Variants in MYOF observed in about 807,000 individuals in gnomAD.
MYOF encodes fer-1-like 3, myoferlin.
Under a neutral mutation model 284.2 loss-of-function variants are expected in MYOF, and 244 were observed. The ratio of observed to expected loss-of-function variants is 0.86; its 90% CI spans 0.77 to 0.95. MYOF has a LOEUF of 0.95. Ranked by LOEUF, MYOF falls within the 40% of genes least tolerant of loss-of-function variation. MYOF has a pLI of 0.00. For missense variants in MYOF, 2,496 were observed against 2,560.6 expected (o/e 0.97, Z 0.54); for synonymous variants, 904 against 919.7 (o/e 0.98, Z 0.31).
chr10:93,408,878 C>G lies in MYOF; in HGVS notation c.638G>C (p.Gly213Ala). 6.2e-7 allele frequency: 1 copy of G among 1,614,196 alleles called. No individual in the cohort carries two copies. Among genetic ancestry groups the G allele is most frequent in the Non-Finnish European group, 8.5e-7 (1 of 1,180,036 alleles). Residue 213 changes from glycine (G) to alanine (A), a missense_variant, in exon 7 of 54, where the codon GGT becomes GCT. By Grantham distance (60) the Gly-to-Ala change is moderately conservative. This residue lies in a region of MYOF where 2,436 missense variants were observed against 2,480.7 expected (regional missense o/e 0.98). Transcript: ENST00000359263. ...VRVIEGRQLS[G>A]NNIRPVVKVH... ...TTTGACCACAGGCCTTATGTTGTTA[C>G]CACTTAACTGTCGGCCCTCAATCAC...
intron 17 of MYOF, among the ~76,000 whole-genome samples, chr10:93,391,608 G>T (rs1285080493): frequency 1.4e-5 from 2 of 146,980 alleles, no homozygotes; most frequent in East Asian, 4.2e-4. Flanking sequence ...AAAAAAAAAA[G>T]AAAGAAACAA....
intron 16 of MYOF, among the ~76,000 whole-genome samples, chr10:93,394,363 A>T (rs1448832662): frequency 6.6e-6 from 1 of 150,886 alleles, no homozygotes; most frequent in Non-Finnish European, 1.5e-5. Flanking sequence ...TGGCCTCCCA[A>T]AGTGCTGGGA....
rs148340111 is a variant in MYOF, at chr10:93,374,784, T to C, written c.2280A>G (p.Lys760=). The C allele has an allele frequency of 3.7e-4, 593 of 1,613,912 alleles. 3 individuals carry two copies. The East Asian group carries it at 0.012, about 32-fold the overall frequency. ...TLAEIEDWLD[K]LMQLTEEPQN... The stretch of plus-strand genomic sequence containing the variant: ...CTACCTCTTCAGTCAGCTGCATTAA[T>C]TTATCAAGCCAGTCCTCAATTTCTG... Residue 760 remains lysine, a synonymous_variant, in exon 23 of 54, where the codon AAA becomes AAG. Coordinates refer to ENST00000359263, the MANE Select transcript of MYOF (RefSeq NM_013451.4).
At chr10:93,403,515 A>T (rs959487640) in intron 9 of MYOF, among the ~76,000 whole-genome samples, 1 of 152,192 alleles carries the variant, frequency 6.6e-6, no homozygotes, top group Non-Finnish European at 1.5e-5. Context: ...ACTTCTAGTG[A>T]CTGGTGCTCC....
rs544768986 is a variant in MYOF at position 93,423,117 on chromosome 10, T to C, written c.433+2954A>G. Among the ~76,000 whole-genome samples, 5 of 152,264 alleles carry C rather than the reference T, an allele frequency of 3.3e-5. No homozygotes were observed. The South Asian group carries it at 1.0e-3, about 32-fold the overall frequency. On this transcript the variant is annotated intron_variant, in intron 5 of 53. Transcript: ENST00000359263. ...AGGTTTCTGTACAGTTAAGATAAGG[T>C]TACGGACCTTAAGAGAAGGTTAGGA...
chr10:93,422,838 T>C (rs552015545), intron 5 of MYOF, among the ~76,000 whole-genome samples: 5 of 152,262 alleles, frequency 3.3e-5, no homozygotes, highest in African/African-American at 1.2e-4. Flanking sequence ...ATGTTCTTAC[T>C]TTATAAATAC....
Position 93,347,802 on chromosome 10 carries a change from GT to G in MYOF, c.4084-21del. On this transcript the variant is annotated intron_variant, in intron 36 of 53. Transcript: ENST00000359263. ...CAAGAACTGGGGGTCACAAAGGTAGGTTTCATTTCTCAAGACCAGACGAGGG... is the reference window on the plus strand; with the variant it reads ...CAAGAACTGGGGGTCACAAAGGTAGGTTCATTTCTCAAGACCAGACGAGGG... 1 of 1,603,298 alleles carries G rather than the reference GT, an allele frequency of 6.2e-7. No homozygotes were observed. Among genetic ancestry groups the G allele is most frequent in the Non-Finnish European group, 8.5e-7 (1 of 1,172,658 alleles).
intron 2 of MYOF, 90 bp from the exon 3 acceptor site, chr10:93,452,231 G>A (rs2056613111): frequency 1.2e-6 from 1 of 803,438 alleles, no homozygotes; most frequent in Non-Finnish European, 2.1e-6. Context: ...ACTACATGTT[G>A]GGTCATTATT....
At chr10:93,413,677 G>A (rs545280928) in intron 5 of MYOF, among the ~76,000 whole-genome samples, 124 of 152,324 alleles carry the variant, frequency 8.1e-4, no homozygotes, top group Admixed American at 2.7e-3. Context: ...CACAAACTGG[G>A]TGACTTAAAA....
At chr10:93,337,128 T>G (rs1843652901) in intron 40 of MYOF, among the ~76,000 whole-genome samples, 1 of 146,380 alleles carries the variant, frequency 6.8e-6, no homozygotes, top group Non-Finnish European at 1.5e-5. Flanking sequence ...CATGAAAAGG[T>G]GTGGGTTTTT....
At chr10:93,344,615 G>A (rs1364775637) in intron 37 of MYOF, among the ~76,000 whole-genome samples, 1 of 151,272 alleles carries the variant, frequency 6.6e-6, no homozygotes, top group African/African-American at 2.4e-5. Flanking sequence ...CCAGGGGAAG[G>A]AGAAATATCT....
chr10:93,452,182 C>G (rs764900124), intron 2 of MYOF, 41 bp from the exon 3 acceptor site: 1 of 1,382,980 alleles, frequency 7.2e-7, no homozygotes, highest in Non-Finnish European at 1.0e-6. Flanking sequence ...AAAAAAAAGG[C>G]TGTTAGAAGG....
intron 16 of MYOF, among the ~76,000 whole-genome samples, chr10:93,394,221 C>T (rs1846844315): frequency 6.6e-6 from 1 of 151,982 alleles, no homozygotes; most frequent in Non-Finnish European, 1.5e-5. Context: ...CCTGCCTCAG[C>T]CTCCTGAGTA....
At chr10:93,320,088 A>G (rs1589381561) in intron 48 of MYOF, 75 bp from the exon 49 acceptor site, 2 of 1,533,242 alleles carry the variant, frequency 1.3e-6, no homozygotes, top group East Asian at 4.5e-5. Flanking sequence ...TGCAGTAATT[A>G]GGGGAGCAAA....
At chr10:93,467,307 C>A (rs2057031891) in intron 1 of MYOF, among the ~76,000 whole-genome samples, 1 of 113,364 alleles carries the variant, frequency 8.8e-6, no homozygotes, top group Admixed American at 1.1e-4. Context: ...CTAATGCTAT[C>A]CCTCCCCCCT....
At chr10:93,448,719 G>A (rs2056507142) in intron 3 of MYOF, among the ~76,000 whole-genome samples, 1 of 152,210 alleles carries the variant, frequency 6.6e-6, no homozygotes, top group Non-Finnish European at 1.5e-5. Flanking sequence ...AGGGAGCTGG[G>A]TGCAGTGGCT....
intron 5 of MYOF, among the ~76,000 whole-genome samples, chr10:93,409,969 G>C (rs747866836): frequency 1.3e-5 from 2 of 152,200 alleles, no homozygotes; most frequent in Non-Finnish European, 2.9e-5. Context: ...GGTTGCCTTC[G>C]AAGAGACCAA....
intron 3 of MYOF, among the ~76,000 whole-genome samples, chr10:93,439,200 C>T (rs2056171349): frequency 6.6e-6 from 1 of 152,228 alleles, no homozygotes; most frequent in Non-Finnish European, 1.5e-5. Context: ...CAGGTAACAC[C>T]TGCAAAGGGC....
intron 37 of MYOF, among the ~76,000 whole-genome samples, chr10:93,344,390 T>G (rs1589420142): frequency 6.6e-6 from 1 of 152,246 alleles, no homozygotes; most frequent in East Asian, 1.9e-4. Context: ...GTGCCCAGTA[T>G]GCAGTCTTTT....
Sources: gnomAD v4.1 joint callset for allele counts (sites outside exome capture counted in the v4.1 genomes callset) on GRCh38, gnomAD v4.1.1 for gene constraint, gnomAD v4.1.1 regional missense constraint, MANE v1.5 for transcripts, NCBI Gene and HGNC (gene_info 2026-07-23, HGNC 2026-07-21) for gene names.